Variants in CHGA observed in about 807,000 individuals in gnomAD.
CHGA encodes chromogranin-A.
In CHGA, 41 loss-of-function variants were observed where a neutral mutation model predicts 54.4. That is an observed-to-expected ratio of 0.75 (90% CI 0.59 to 0.98). The LOEUF (loss-of-function observed/expected upper bound fraction) is 0.98. Ranked by LOEUF, CHGA falls within the 50% of genes least tolerant of loss-of-function variation. The pLI is 0.00. For synonymous variants in CHGA, 249 were observed against 232.8 expected, an observed-to-expected ratio of 1.07 and a Z score of -0.63; for missense variants, 576 against 582.3, an observed-to-expected ratio of 0.99 and a Z score of 0.11.
Position 92,932,318 on chromosome 14 carries a change from A to G in CHGA, c.809-52A>G, listed in dbSNP as rs980506099. The G allele has an allele frequency of 6.6e-7, 1 of 1,509,968 alleles. No individual in the cohort carries two copies. The highest frequency in any genetic ancestry group is 1.4e-5 in the African/African-American group (1 of 72,662). 93.5% of individuals were successfully genotyped at this position (1,509,968 alleles called of 1,614,324 possible). The stretch of plus-strand genomic sequence containing the variant: ...CCCCCAGGGAGTGGCAGAGACTGGG[A>G]AAATGGTGGTCCCCCACCCATTCTC... On this transcript the variant is annotated intron_variant, in intron 6 of 7. Transcript: ENST00000216492. The surrounding 1 kb of genome is among the most constrained non-coding windows in gnomAD (Gnocchi z 5.3).
At chr14:92,928,142 C>G (rs1287470991) in intron 4 of CHGA, among the ~76,000 whole-genome samples, 1 of 152,258 alleles carries the variant, frequency 6.6e-6, no homozygotes, top group African/African-American at 2.4e-5. Flanking sequence ...CCGTTTCCAC[C>G]AGGGCAGGAC....
At position 92,923,243 on chromosome 14, in the gene CHGA, C is replaced by G; in HGVS notation, c.-117C>G. 1.0e-6 allele frequency: 1 copy of G among 962,220 alleles called. No individual in the cohort carries two copies. 59.6% of individuals were successfully genotyped at this position (962,220 alleles called of 1,614,324 possible). A position where few individuals can be genotyped will look rare whatever the true frequency, so the allele number is the denominator to read the frequency against. ...ACGGACGCACGCCGAGGCACTGCGCCCCCAGCCCCGCGCCGGTGCCACCGC... is the reference window on the plus strand; with the variant it reads ...ACGGACGCACGCCGAGGCACTGCGCGCCCAGCCCCGCGCCGGTGCCACCGC... On this transcript the variant is annotated 5_prime_UTR_variant, in exon 1 of 8. Transcript: ENST00000216492.
chr14:92,923,554 G>T, intron 1 of CHGA, 149 bp downstream of exon 1: 1 of 672,924 alleles, frequency 1.5e-6, no homozygotes, highest in South Asian at 7.0e-5. Context: ...TCCGCCTCCC[G>T]CCTGACCCTG....
At chr14:92,924,045 G>A (rs1886840241) in intron 1 of CHGA, among the ~76,000 whole-genome samples, 154 bp from the exon 2 acceptor site, 1 of 152,242 alleles carries the variant, frequency 6.6e-6, no homozygotes, top group African/African-American at 2.4e-5. Context: ...CAGCAACCAG[G>A]GAAGGGAAAC....
At chr14:92,926,841 G>A (rs1886895938) in intron 3 of CHGA, 143 bp downstream of exon 3, 3 of 715,238 alleles carry the variant, frequency 4.2e-6, no homozygotes, top group South Asian at 1.7e-5. Flanking sequence ...CTGCACCAGG[G>A]TCCAAGGTGT....
At chr14:92,933,761 T>C (rs936274286) in intron 7 of CHGA, among the ~76,000 whole-genome samples, 1 of 152,162 alleles carries the variant, frequency 6.6e-6, no homozygotes, top group Non-Finnish European at 1.5e-5. Flanking sequence ...AGAGGGCATC[T>C]GCCCACGTGC....
In CHGA at chr14:92,931,462, C is replaced by G. The variant is rs756000508; in HGVS notation, c.568C>G (p.Pro190Ala). The change falls in exon 6 of 8, where the codon CCC (proline) becomes GCC (alanine). Residue 190 changes from proline (P) to alanine (A), a missense_variant. Transcript: ENST00000216492. ...CAACACCCACCCTCCAGCCAGCCTC[C>G]CCAGCCAGAAATACCCAGGCCCACA... ...ATNTHPPASL[P>A]SQKYPGPQAE... 16 of 1,610,498 alleles carry G rather than the reference C, an allele frequency of 9.9e-6. No homozygotes were observed. Among genetic ancestry groups the G allele is most frequent in the Admixed American group, 3.4e-5 (2 of 59,520 alleles).
Position 92,934,989 on chromosome 14 carries a change from G to A in CHGA, c.*105G>A, listed in dbSNP as rs1887093887. The stretch of plus-strand genomic sequence containing the variant: ...GCCCGGATGCTGCTTCCGGTAGGGA[G>A]GCAGCCTCCAGCCTGCCCAAGCCCA... On this transcript the variant is annotated 3_prime_UTR_variant, in exon 8 of 8. Coordinates refer to ENST00000216492, the MANE Select transcript of CHGA (RefSeq NM_001275.4). The A allele has an allele frequency of 6.1e-6, 6 of 987,900 alleles. No homozygotes were observed. Among genetic ancestry groups the A allele is most frequent in the South Asian group, 5.6e-5 (3 of 53,936 alleles). 61.2% of individuals were successfully genotyped at this position (987,900 alleles called of 1,614,324 possible). A position where few individuals can be genotyped will look rare whatever the true frequency, so the allele number is the denominator to read the frequency against.
Position 92,932,982 on chromosome 14 carries a change from C to A in CHGA, c.1290+131C>A. On this transcript the variant is annotated intron_variant, in intron 7 of 7. Transcript: ENST00000216492. This position sits in a 1 kb window ranked among gnomAD's most constrained non-coding sequence, Gnocchi z 5.3. ...GCCGAAGTCTGGGGATGGAGAGATG[C>A]TCAGACCGGGGGCTCTCAGGGTGGG... 1 of 1,355,416 alleles carries A rather than the reference C, an allele frequency of 7.4e-7. No individual in the cohort carries two copies. The highest frequency in any genetic ancestry group is 9.8e-7 in the Non-Finnish European group (1 of 1,024,412). 84.0% of individuals were successfully genotyped at this position (1,355,416 alleles called of 1,614,324 possible).
intron 4 of CHGA, among the ~76,000 whole-genome samples, chr14:92,928,194 A>G (rs916871983): frequency 6.6e-6 from 1 of 152,242 alleles, no homozygotes; most frequent in African/African-American, 2.4e-5. Flanking sequence ...AGGGCATTAC[A>G]GCATGAATCC....
At chr14:92,924,292 C>G in intron 2 of CHGA, 47 bp downstream of exon 2, 2 of 1,568,714 alleles carry the variant, frequency 1.3e-6, no homozygotes, top group South Asian at 1.2e-5. Flanking sequence ...CCAGTGGACA[C>G]TTCACAGCCA....
intron 1 of CHGA, 21 bp from the exon 2 acceptor site, chr14:92,924,178 G>A: frequency 6.2e-7 from 1 of 1,609,344 alleles, no homozygotes; most frequent in East Asian, 2.2e-5. Context: ...AGTGACCCCA[G>A]CACTCTCTTC....
In CHGA at chr14:92,930,399, G is replaced by A. The variant is rs562319698; in HGVS notation, c.355+584G>A. On this transcript the variant is annotated intron_variant, in intron 5 of 7. Transcript: ENST00000216492. ...CGCTTCTGCTCTCCATGTAGAAGAT[G>A]GGCCGGTAAGGCCGGTGTCCAGGAG... 3.9e-5 allele frequency among the ~76,000 whole-genome samples: 6 copies of A among 152,358 alleles called. No individual in the cohort carries two copies. The South Asian group carries it at 1.2e-3, about 32-fold the overall frequency.
intron 1 of CHGA, among the ~76,000 whole-genome samples, chr14:92,923,994 G>C: frequency 6.6e-6 from 1 of 152,216 alleles, no homozygotes; most frequent in Non-Finnish European, 1.5e-5. Context: ...GGGAGGGGGA[G>C]GACCTCTCAG....
At position 92,934,941 on chromosome 14, in the gene CHGA, C is replaced by T; in HGVS notation, c.*57C>T. 1.4e-6 allele frequency: 2 copies of T among 1,446,646 alleles called. No homozygotes were observed. Among genetic ancestry groups the T allele is most frequent in the Non-Finnish European group, 1.9e-6 (2 of 1,075,676 alleles). 89.6% of individuals were successfully genotyped at this position (1,446,646 alleles called of 1,614,324 possible). A position where few individuals can be genotyped will look rare whatever the true frequency, so the allele number is the denominator to read the frequency against. On this transcript the variant is annotated 3_prime_UTR_variant, in exon 8 of 8. Transcript: ENST00000216492. ...CCCTGTGGCCCTGGCTCTGCTGTCC[C>T]CTTGGCAGGTCCTGGCCAGATGGCC... is the stretch of plus-strand genomic sequence containing the variant.
chr14:92,934,886 A>T lies in CHGA; in HGVS notation c.*2A>T, dbSNP rs1402403286. 1 of 1,559,232 alleles carries T rather than the reference A, an allele frequency of 6.4e-7. No homozygotes were observed. The highest frequency in any genetic ancestry group is 1.7e-4 in the Middle Eastern group (1 of 5,948). ...CTGCAGGCACTACGGCGGGGCTGAG[A>T]CACCGGCTGGCAGGGCTGGCCCCAG... On this transcript the variant is annotated 3_prime_UTR_variant, in exon 8 of 8. Transcript: ENST00000216492.
Position 92,931,526 on chromosome 14 carries a change from T to G in CHGA, c.632T>G (p.Val211Gly). Residue 211 changes from valine to glycine, a missense_variant, in exon 6 of 8, where the codon GTG becomes GGG. Transcript: ENST00000216492. ...GDSEGLSQGL[V>G]DREKGLSAEP... Reference sequence around the variant, plus strand: ...AGTGAGGGCCTCTCTCAGGGTCTGGTGGACAGAGAGAAGGGCCTGAGTGCA... The same window carrying G: ...AGTGAGGGCCTCTCTCAGGGTCTGGGGGACAGAGAGAAGGGCCTGAGTGCA... 2.5e-6 allele frequency: 4 copies of G among 1,611,832 alleles called. No individual in the cohort carries two copies. The highest frequency in any genetic ancestry group is 3.4e-6 in the Non-Finnish European group (4 of 1,179,570).
chr14:92,931,627 C>T lies in CHGA; in HGVS notation c.733C>T (p.Pro245Ser), dbSNP rs1407202303. 1 of 1,611,294 alleles carries T rather than the reference C, an allele frequency of 6.2e-7. No homozygotes were observed. The highest frequency in any genetic ancestry group is 1.1e-5 in the South Asian group (1 of 90,526). ...EEAEAGEEAV[P>S]EEEGPTVVLN... ...GGCTGAGGCTGGAGAGGAGGCTGTC[C>T]CCGAGGAAGAAGGCCCCACTGTAGT... Residue 245 changes from proline (P) to serine (S), a missense_variant, in exon 6 of 8, where the codon CCC becomes TCC. Transcript: ENST00000216492.
chr14:92,931,209 C>T, intron 5 of CHGA, 41 bp from the exon 6 acceptor site: 10 of 1,561,430 alleles, frequency 6.4e-6, no homozygotes, highest in Non-Finnish European at 8.7e-6. Flanking sequence ...CCACACGTGG[C>T]CCAGTCCTCA....
Sources: gnomAD v4.1 joint callset for allele counts (sites outside exome capture counted in the v4.1 genomes callset) on GRCh38, gnomAD v4.1.1 for gene constraint, Gnocchi (gnomAD v3.1) non-coding constraint, MANE v1.5 for transcripts, NCBI Gene and HGNC (gene_info 2026-07-23, HGNC 2026-07-21) for gene names.